Variants in PLA2G12A observed in about 807,000 individuals in gnomAD.
The protein encoded by PLA2G12A is group XIIA secretory phospholipase A2.
PLA2G12A carries 11 observed loss-of-function variants against 16.0 expected under a neutral mutation model. That is an observed-to-expected ratio of 0.69 (90% CI 0.43 to 1.13). The LOEUF (loss-of-function observed/expected upper bound fraction) is 1.13, where lower values mean the gene tolerates loss of function less well. PLA2G12A is among the 50% of genes most tolerant of loss of function. PLA2G12A has a pLI of 0.00. For missense variants in PLA2G12A, 214 were observed against 237.3 expected (o/e 0.90, Z 0.65); for synonymous variants, 77 against 93.8 (o/e 0.82, Z 1.03).
At position 109,710,743 on chromosome 4, in the gene PLA2G12A, G is replaced by A. The variant is rs1730710495; in HGVS notation, c.*3634C>T. 3 of 152,246 alleles carry A rather than the reference G, an allele frequency of 2.0e-5. No homozygotes were observed. Among genetic ancestry groups the A allele is most frequent in the Admixed American group, 2.0e-4 (3 of 15,288 alleles). 9.4% of individuals were successfully genotyped at this position (152,246 alleles called of 1,614,324 possible). A position where few individuals can be genotyped will look rare whatever the true frequency, so the allele number is the denominator to read the frequency against. On this transcript the variant is annotated 3_prime_UTR_variant, in exon 4 of 4. Coordinates refer to ENST00000243501, the MANE Select transcript of PLA2G12A (RefSeq NM_030821.5). The stretch of plus-strand genomic sequence containing the variant: ...GGCCTCCCACAGTGCTGAGATTACA[G>A]GCTTGAACCACCATGCCCAGCCTCT...
chr4:109,719,467 G>C (rs1369144475), intron 1 of PLA2G12A, among the ~76,000 whole-genome samples: 3 of 152,112 alleles, frequency 2.0e-5, no homozygotes. Context: ...CTAAAGAACA[G>C]AAGACTTGGA....
chr4:109,712,387 T>C lies in PLA2G12A; in HGVS notation c.*1990A>G, dbSNP rs1730750007. 6.6e-6 allele frequency: 1 copy of C among 152,246 alleles called. No individual in the cohort carries two copies. The highest frequency in any genetic ancestry group is 1.5e-5 in the Non-Finnish European group (1 of 68,042). The allele number at this position is 152,246 out of a possible 1,614,324, so 9.4% of individuals were successfully genotyped here. On this transcript the variant is annotated 3_prime_UTR_variant, in exon 4 of 4. Transcript: ENST00000243501. ...TTGTATAATTTGTGATCACGAATTA[T>C]ATTTTATAACGATATTGAGTTTGTC...
intron 1 of PLA2G12A, among the ~76,000 whole-genome samples, chr4:109,721,615 C>T (rs1221035096): frequency 6.6e-6 from 1 of 152,162 alleles, no homozygotes; most frequent in Non-Finnish European, 1.5e-5. Flanking sequence ...CCACCATGCC[C>T]GGCCCAGTCC....
chr4:109,711,411 A>ATTGGATAT lies in PLA2G12A; in HGVS notation c.*2965_*2966insATATCCAA, dbSNP rs1730727130. The ATTGGATAT allele has an allele frequency of 5.9e-5, 9 of 152,282 alleles. No individual in the cohort carries two copies. Among genetic ancestry groups the ATTGGATAT allele is most frequent in the Non-Finnish European group, 1.2e-4 (8 of 68,024 alleles). 9.4% of individuals were successfully genotyped at this position (152,282 alleles called of 1,614,324 possible). On this transcript the variant is annotated 3_prime_UTR_variant, in exon 4 of 4. Transcript: ENST00000243501. ...GGATTCTAGGGTTGGGGCAGGGAAT[A>ATTGGATAT]TCCAAGATGAACCTGGAGCATCTTG...
intron 1 of PLA2G12A, among the ~76,000 whole-genome samples, chr4:109,724,226 A>G (rs1269508306): frequency 2.0e-5 from 3 of 152,162 alleles, no homozygotes; most frequent in African/African-American, 7.2e-5. Flanking sequence ...CCTGGGTTCA[A>G]GCGATTCTTC....
intron 1 of PLA2G12A, among the ~76,000 whole-genome samples, chr4:109,720,797 G>C (rs144108426): frequency 6.6e-6 from 1 of 151,810 alleles, no homozygotes; most frequent in East Asian, 1.9e-4. Flanking sequence ...GGCTGGGAGC[G>C]GTGGCTCACA....
chr4:109,729,592 GC>G lies in PLA2G12A; in HGVS notation c.208+9del. On this transcript the variant is annotated intron_variant, in intron 1 of 3. Transcript: ENST00000243501. ...GCACGAGCCCTCGCTGGGCCCGGGT[GC>G]CCCCTCACCGTCACTGCATTTATAC... 3.1e-6 allele frequency: 5 copies of G among 1,602,616 alleles called. No homozygotes were observed. The highest frequency in any genetic ancestry group is 3.4e-6 in the Non-Finnish European group (4 of 1,172,570).
chr4:109,728,197 G>A (rs376226471), intron 1 of PLA2G12A, among the ~76,000 whole-genome samples: 12 of 152,090 alleles, frequency 7.9e-5, no homozygotes, highest in East Asian at 3.8e-4. Flanking sequence ...ATGGCCCCTC[G>A]TCTGCCCTGA....
intron 1 of PLA2G12A, among the ~76,000 whole-genome samples, chr4:109,722,453 T>C (rs1176164040): frequency 6.6e-6 from 1 of 152,226 alleles, no homozygotes; most frequent in East Asian, 1.9e-4. Context: ...TGTGGACAGA[T>C]CTCTCATGAA....
chr4:109,715,601 T>C (rs1241508104), intron 3 of PLA2G12A, among the ~76,000 whole-genome samples: 1 of 152,074 alleles, frequency 6.6e-6, no homozygotes, highest in Non-Finnish European at 1.5e-5. Context: ...TTCTTCCACC[T>C]CAGCCTTCTG....
rs527705718 is a variant in PLA2G12A at position 109,715,177 on chromosome 4, C to CT, written c.452-683dup. 2.9e-3 allele frequency among the ~76,000 whole-genome samples: 439 copies of CT among 152,212 alleles called. 1 individual carries two copies. Among genetic ancestry groups the CT allele is most frequent in the Non-Finnish European group, 5.5e-3 (374 of 67,980 alleles). On this transcript the variant is annotated intron_variant, in intron 3 of 3. Coordinates refer to ENST00000243501, the MANE Select transcript of PLA2G12A (RefSeq NM_030821.5). ...ACTGATTAATCAGTGTTTTAACTTT[C>CT]TTTTTATTTGAAAAACATAATCACT...
At chr4:109,729,316 G>C (rs1335716281) in intron 1 of PLA2G12A, among the ~76,000 whole-genome samples, 1 of 150,712 alleles carries the variant, frequency 6.6e-6, no homozygotes, top group Non-Finnish European at 1.5e-5. Context: ...TCGGCAACTT[G>C]GTGCAATTGA....
intron 1 of PLA2G12A, among the ~76,000 whole-genome samples, chr4:109,719,852 T>TA (rs1168279925): frequency 6.6e-6 from 1 of 152,156 alleles, no homozygotes; most frequent in Non-Finnish European, 1.5e-5. Context: ...ATGGCACCGA[T>TA]AGACTTGCTC....
At chr4:109,714,957 TTTTGTTTGTTTG>T (rs3086325) in intron 3 of PLA2G12A, among the ~76,000 whole-genome samples, 19 of 150,678 alleles carry the variant, frequency 1.3e-4, no homozygotes, top group African/African-American at 7.3e-5. Context: ...ACCCAGCTAT[TTTTGTTTGTTTG>T]TTTGTTTGTT....
chr4:109,718,456 T>A (rs932629276), intron 2 of PLA2G12A, among the ~76,000 whole-genome samples: 1 of 152,218 alleles, frequency 6.6e-6, no homozygotes, highest in Admixed American at 6.5e-5. Context: ...TATGTGATAT[T>A]GGGAAATATC....
In PLA2G12A at chr4:109,729,943, C is replaced by G; in HGVS notation, c.-134G>C. ...CCAGCTCCATATCCACGCCTCCTTC[C>G]CGGCTGGCCCTCAGGATCTCGCTGT... On this transcript the variant is annotated 5_prime_UTR_variant, in exon 1 of 4. Coordinates refer to ENST00000243501, the MANE Select transcript of PLA2G12A (RefSeq NM_030821.5). The G allele has an allele frequency of 1.4e-6, 1 of 706,340 alleles. No homozygotes were observed. The highest frequency in any genetic ancestry group is 2.2e-6 in the Non-Finnish European group (1 of 453,410). 43.8% of individuals were successfully genotyped at this position (706,340 alleles called of 1,614,324 possible). A position where few individuals can be genotyped will look rare whatever the true frequency, so the allele number is the denominator to read the frequency against.
rs1359651502 is a variant in PLA2G12A at position 109,717,730 on chromosome 4, G to C, written c.286-17C>G. 1 of 1,611,438 alleles carries C rather than the reference G, an allele frequency of 6.2e-7. No homozygotes were observed. The highest frequency in any genetic ancestry group is 1.3e-5 in the African/African-American group (1 of 74,892). On this transcript the variant is annotated splice_polypyrimidine_tract_variant and intron_variant, in intron 2 of 3. Coordinates refer to ENST00000243501, the MANE Select transcript of PLA2G12A (RefSeq NM_030821.5). ...AATGTTAAGCTGCAAAAGGCATTTG[G>C]ATGGATTACTGTCAATGAAATGCAA...
In PLA2G12A at chr4:109,711,457, TG is replaced by T. The variant is rs1214992607; in HGVS notation, c.*2919del. The T allele has an allele frequency of 6.6e-6, 1 of 152,020 alleles. No homozygotes were observed. Among genetic ancestry groups the T allele is most frequent in the African/African-American group, 2.4e-5 (1 of 41,374 alleles). The allele number at this position is 152,020 out of a possible 1,614,324, so 9.4% of individuals were successfully genotyped here. A position where few individuals can be genotyped will look rare whatever the true frequency, so the allele number is the denominator to read the frequency against. On this transcript the variant is annotated 3_prime_UTR_variant, in exon 4 of 4. Coordinates refer to ENST00000243501, the MANE Select transcript of PLA2G12A (RefSeq NM_030821.5). ...TCTTGTAGTGCCAGAAAGTAAGAAGTGCTCAAAAATCAAAAGGATGGGCACA... is the reference window on the plus strand; with the variant it reads ...TCTTGTAGTGCCAGAAAGTAAGAAGTCTCAAAAATCAAAAGGATGGGCACA...
At chr4:109,729,581 T>C (rs746797072) in intron 1 of PLA2G12A, 21 bp downstream of exon 1, 2 of 1,600,746 alleles carry the variant, frequency 1.2e-6, no homozygotes, top group Non-Finnish European at 1.7e-6. Flanking sequence ...GAGCCCTCGC[T>C]GGGCCCGGGT....
Sources: allele counts gnomAD v4.1 joint callset (sites outside exome capture counted in the v4.1 genomes callset), GRCh38; gene constraint gnomAD v4.1.1; transcripts MANE v1.5; gene names NCBI Gene and HGNC (gene_info 2026-07-23, HGNC 2026-07-21).